Variants in MCMDC2 observed in about 807,000 individuals in gnomAD.
MCMDC2 encodes the protein minichromosome maintenance domain containing 2.
MCMDC2 carries 54 observed loss-of-function variants against 75.8 expected under a neutral mutation model. The observed-to-expected ratio is 0.71, with a 90% CI of 0.57 to 0.89. MCMDC2 has a LOEUF of 0.89. Ranked by LOEUF, MCMDC2 falls within the 40% of genes least tolerant of loss-of-function variation. The pLI, the probability that MCMDC2 is intolerant of heterozygous loss-of-function variation, is 0.00. For synonymous variants in MCMDC2, 249 were observed against 274.6 expected, an observed-to-expected ratio of 0.91 and a Z score of 0.92; for missense variants, 656 against 780.4, an observed-to-expected ratio of 0.84 and a Z score of 1.90.
At chr8:66,871,532 G>C (rs1811017481) in intron 1 of MCMDC2, 1 of 152,058 alleles carries the variant, frequency 6.6e-6, no homozygotes, top group Non-Finnish European at 1.5e-5. Flanking sequence ...CATCCAACTT[G>C]TAGGAATATC....
At chr8:66,904,829 C>T (rs1812842089) in intron 13 of MCMDC2, among the ~76,000 whole-genome samples, 1 of 152,094 alleles carries the variant, frequency 6.6e-6, no homozygotes, top group South Asian at 2.1e-4. Flanking sequence ...AAGATCTCTT[C>T]CAATGCTGAA....
In MCMDC2 at chr8:66,874,638, T is replaced by C; in HGVS notation, c.285+52T>C. On this transcript the variant is annotated intron_variant, in intron 4 of 14. Coordinates refer to ENST00000422365, the MANE Select transcript of MCMDC2 (RefSeq NM_173518.5). ...CTCAGGTACAGATTTACATGATGAC[T>C]TGTAAAAAAATATTTTTATATTCAT... 2.1e-6 allele frequency: 3 copies of C among 1,442,192 alleles called. No homozygotes were observed. In the South Asian group the frequency reaches 3.9e-5, roughly 19 times the overall value. 89.3% of individuals were successfully genotyped at this position (1,442,192 alleles called of 1,614,324 possible). A position where few individuals can be genotyped will look rare whatever the true frequency, so the allele number is the denominator to read the frequency against.
At chr8:66,871,413 A>T (rs549989417) in intron 1 of MCMDC2, 3 of 152,122 alleles carry the variant, frequency 2.0e-5, no homozygotes, top group Non-Finnish European at 4.4e-5. Context: ...TTAGCTTTCG[A>T]TTACTCTTCT....
chr8:66,908,594 T>C (rs1409726294), intron 14 of MCMDC2, among the ~76,000 whole-genome samples: 4 of 152,074 alleles, frequency 2.6e-5, no homozygotes, highest in Admixed American at 1.3e-4. Context: ...ACTCCTGTGA[T>C]AGAATATGGT....
intron 1 of MCMDC2, among the ~76,000 whole-genome samples, chr8:66,872,864 A>G (rs1253070114): frequency 6.7e-6 from 1 of 148,820 alleles, no homozygotes; most frequent in East Asian, 2.1e-4. Flanking sequence ...AGACTGAAGC[A>G]GGAGAATCGT....
At chr8:66,891,348 T>C (rs904946578) in intron 10 of MCMDC2, among the ~76,000 whole-genome samples, 1 of 152,198 alleles carries the variant, frequency 6.6e-6, no homozygotes, top group African/African-American at 2.4e-5. Flanking sequence ...ACTTCCAGTA[T>C]AAAGTTGAAA....
At chr8:66,873,468 G>A (rs1401337295) in intron 1 of MCMDC2, among the ~76,000 whole-genome samples, 1 of 152,136 alleles carries the variant, frequency 6.6e-6, no homozygotes, top group South Asian at 2.1e-4. Flanking sequence ...CACCTGGAAA[G>A]GACCCTCATC....
chr8:66,896,001 A>AT (rs1812334418), intron 10 of MCMDC2, among the ~76,000 whole-genome samples, 169 bp from the exon 11 acceptor site: 1 of 152,160 alleles, frequency 6.6e-6, no homozygotes, highest in Admixed American at 6.5e-5. Context: ...TCAAATACAT[A>AT]TTTTTTATGG....
intron 14 of MCMDC2, among the ~76,000 whole-genome samples, chr8:66,915,423 G>C (rs1408711022): frequency 4.0e-5 from 6 of 150,034 alleles, no homozygotes; most frequent in Non-Finnish European, 8.9e-5. Context: ...CTGCACTCCA[G>C]CCTAGGTGAC....
In MCMDC2 at chr8:66,877,335, T is replaced by A; in HGVS notation, c.286-14T>A. 1 of 1,538,466 alleles carries A rather than the reference T, an allele frequency of 6.5e-7. No homozygotes were observed. The highest frequency in any genetic ancestry group is 8.9e-7 in the Non-Finnish European group (1 of 1,129,542). ...TTGCAATTTTCATTAATACCATTTT[T>A]ATGTTCTTATTAGATTAATATAGTG... On this transcript the variant is annotated splice_polypyrimidine_tract_variant and intron_variant, in intron 4 of 14. Coordinates refer to ENST00000422365, the MANE Select transcript of MCMDC2 (RefSeq NM_173518.5).
Position 66,883,796 on chromosome 8 carries a change from C to G in MCMDC2, c.875C>G (p.Ser292Cys), listed in dbSNP as rs377744254. ...GISDNFRCLL[S>C]LTSSSCWKFT... ...AGTGACAACTTCAGGTGTCTCCTCT[C>G]CTTAACTTCCAGCTCATGCTGGAAG... is the stretch of plus-strand genomic sequence containing the variant. The change falls in exon 9 of 15, where the codon TCC becomes TGC. Residue 292 changes from serine (S) to cysteine (C), a missense_variant. Physicochemically the swap from Ser to Cys is moderately radical, Grantham distance 112 (BLOSUM62 -1). Coordinates refer to ENST00000422365, the MANE Select transcript of MCMDC2 (RefSeq NM_173518.5). The G allele has an allele frequency of 2.5e-6, 4 of 1,613,318 alleles. No individual in the cohort carries two copies. Among genetic ancestry groups the G allele is most frequent in the East Asian group, 2.2e-5 (1 of 44,854 alleles).
intron 4 of MCMDC2, among the ~76,000 whole-genome samples, chr8:66,875,284 T>C (rs1270500383): frequency 1.3e-5 from 2 of 152,180 alleles, no homozygotes; most frequent in African/African-American, 2.4e-5. Context: ...ACATTTTTCT[T>C]CTTTCTTTTT....
chr8:66,923,588 T>C (rs1447978886), downstream of MCMDC2, among the ~76,000 whole-genome samples: 1 of 152,036 alleles, frequency 6.6e-6, no homozygotes, highest in Non-Finnish European at 1.5e-5. Context: ...ACATGCATAA[T>C]CCTGTCTTTA....
intron 10 of MCMDC2, among the ~76,000 whole-genome samples, chr8:66,894,167 A>C (rs553864050): frequency 6.6e-6 from 1 of 152,318 alleles, no homozygotes; most frequent in Admixed American, 6.5e-5. Flanking sequence ...TGGGTGCACT[A>C]TAAGCCAGTG....
At chr8:66,885,773 C>G (rs1394027694) in intron 9 of MCMDC2, among the ~76,000 whole-genome samples, 1 of 152,162 alleles carries the variant, frequency 6.6e-6, no homozygotes. Flanking sequence ...CCCTCCTTCC[C>G]TCTTCCAATC....
At chr8:66,922,157 C>T (rs1458747187), downstream of MCMDC2, 1 of 155,760 alleles carries the variant, frequency 6.4e-6, no homozygotes, top group East Asian at 1.9e-4. Flanking sequence ...TCATTCCATA[C>T]TCAAAGTTCT....
intron 10 of MCMDC2, among the ~76,000 whole-genome samples, chr8:66,894,703 A>G (rs1812260938): frequency 6.6e-6 from 1 of 152,208 alleles, no homozygotes; most frequent in Non-Finnish European, 1.5e-5. Context: ...ATTTTTCTTT[A>G]TTTAGAATGG....
chr8:66,910,700 T>C (rs111371344), intron 14 of MCMDC2, among the ~76,000 whole-genome samples: 1 of 152,214 alleles, frequency 6.6e-6, no homozygotes, highest in Non-Finnish European at 1.5e-5. Context: ...TCCCAGCTAC[T>C]TGGTAGGCTG....
intron 14 of MCMDC2, among the ~76,000 whole-genome samples, chr8:66,912,799 C>T (rs1314453796): frequency 1.3e-5 from 2 of 152,062 alleles, no homozygotes; most frequent in African/African-American, 4.8e-5. Context: ...GGAGAGCTAG[C>T]GGAGGGATAG....
Sources: gnomAD v4.1 joint callset for allele counts (sites outside exome capture counted in the v4.1 genomes callset) on GRCh38, gnomAD v4.1.1 for gene constraint, MANE v1.5 for transcripts, NCBI Gene and HGNC (gene_info 2026-07-23, HGNC 2026-07-21) for gene names.